The following PDE10A variants were observed in gnomAD, a reference collection of about 807,000 sequenced individuals.
The protein encoded by PDE10A is cAMP and cAMP-inhibited cGMP 3',5'-cyclic phosphodiesterase 10A.
Under a neutral mutation model 97.7 loss-of-function variants are expected in PDE10A, and 39 were observed. The ratio of observed to expected loss-of-function variants is 0.40; its 90% confidence interval spans 0.31 to 0.52. The LOEUF is 0.52. Ranked by LOEUF, PDE10A falls within the 20% of genes least tolerant of loss-of-function variation. The pLI is 0.56. For missense variants in PDE10A, 731 were observed against 1,047.8 expected (o/e 0.70, Z 4.17); for synonymous variants, 371 against 376.8 (o/e 0.98, Z 0.18).
intron 1 of PDE10A, chr6:165,660,711 C>G (rs1253543208): frequency 6.5e-6 from 1 of 152,692 alleles, no homozygotes; most frequent in Non-Finnish European, 1.5e-5. Context: ...AGCGGGAAAC[C>G]GAAACAGCAA....
At chr6:165,502,871 A>G (rs1019741024) in intron 2 of PDE10A, among the ~76,000 whole-genome samples, 1 of 152,178 alleles carries the variant, frequency 6.6e-6, no homozygotes, top group Non-Finnish European at 1.5e-5. Context: ...CATTACCTGC[A>G]GAGAGGTATA....
chr6:165,342,676 G>A (rs183324044), intron 19 of PDE10A, among the ~76,000 whole-genome samples: 2 of 152,190 alleles, frequency 1.3e-5, no homozygotes, highest in Admixed American at 6.5e-5. Context: ...ACCAGAAGAG[G>A]TACTCAAAAG....
intron 2 of PDE10A, among the ~76,000 whole-genome samples, chr6:165,489,558 G>T (rs1425007945): frequency 6.6e-6 from 1 of 152,058 alleles, no homozygotes; most frequent in Non-Finnish European, 1.5e-5. Context: ...CACCCCAAAA[G>T]ATCATACTAG....
chr6:165,937,238 G>T (rs1341567304), intron 1 of PDE10A, among the ~76,000 whole-genome samples: 4 of 152,186 alleles, frequency 2.6e-5, no homozygotes, highest in Non-Finnish European at 4.4e-5. Flanking sequence ...GAATATGGAA[G>T]GGTTCATGTG....
intron 21 of PDE10A, among the ~76,000 whole-genome samples, chr6:165,333,833 T>C (rs1359394124): frequency 6.6e-6 from 1 of 152,196 alleles, no homozygotes; most frequent in Non-Finnish European, 1.5e-5. Flanking sequence ...TCTACATGGC[T>C]ACCCTGGCAG....
chr6:165,895,508 G>A (rs748504259), intron 1 of PDE10A, among the ~76,000 whole-genome samples: 1 of 152,190 alleles, frequency 6.6e-6, no homozygotes, highest in Non-Finnish European at 1.5e-5. Context: ...AACTGAGAGG[G>A]AACATGTTTC....
chr6:165,958,794 C>T (rs1440272108), intron 1 of PDE10A, among the ~76,000 whole-genome samples: 1 of 151,276 alleles, frequency 6.6e-6, no homozygotes, highest in African/African-American at 2.4e-5. Flanking sequence ...TGCCTCCCGA[C>T]TCATGTCTGG....
At chr6:165,919,134 C>T (rs137920834) in intron 1 of PDE10A, among the ~76,000 whole-genome samples, 1 of 152,218 alleles carries the variant, frequency 6.6e-6, no homozygotes. Context: ...GCTTTGTCAA[C>T]AAGCCAAGCC....
At chr6:165,855,332 T>G (rs1780701710) in intron 1 of PDE10A, among the ~76,000 whole-genome samples, 2 of 144,186 alleles carry the variant, frequency 1.4e-5, no homozygotes, top group African/African-American at 2.6e-5. Context: ...TCAGGGGCGC[T>G]GCCTCCTGTG....
At chr6:165,449,251 A>G (rs1230675448) in intron 4 of PDE10A, among the ~76,000 whole-genome samples, 1 of 152,238 alleles carries the variant, frequency 6.6e-6, no homozygotes, top group Non-Finnish European at 1.5e-5. Context: ...TATTTGTTGA[A>G]CTTTATTCAG....
chr6:165,920,955 C>T (rs765054359), intron 1 of PDE10A, among the ~76,000 whole-genome samples: 13 of 152,178 alleles, frequency 8.5e-5, no homozygotes, highest in Non-Finnish European at 1.6e-4. Context: ...ATCTTAAGTG[C>T]TCACAAAAAT....
rs1583373223 is a variant in PDE10A at position 165,970,702 on chromosome 6, CTT to C, written c.-615+16825_-615+16826del. Among the ~76,000 whole-genome samples the C allele has an allele frequency of 2.0e-5, 3 of 152,192 alleles. No homozygotes were observed. The East Asian group carries it at 5.8e-4, about 29-fold the overall frequency. On this transcript the variant is annotated intron_variant, in intron 1 of 19. Transcript: ENST00000366882. Reference sequence around the variant, plus strand: ...ACCGAATTAAACAAAAGATTTATTTCTTGTTATATATCTTTTTGTCTTTTGAA... The same window carrying C: ...ACCGAATTAAACAAAAGATTTATTTCGTTATATATCTTTTTGTCTTTTGAA...
At chr6:165,458,036 A>G (rs1223692950) in intron 3 of PDE10A, among the ~76,000 whole-genome samples, 1 of 152,216 alleles carries the variant, frequency 6.6e-6, no homozygotes, top group Non-Finnish European at 1.5e-5. Flanking sequence ...GTTAAATTGG[A>G]TAAATATTTA....
intron 1 of PDE10A, among the ~76,000 whole-genome samples, chr6:165,769,261 T>C (rs1256886814): frequency 1.3e-5 from 2 of 152,174 alleles, no homozygotes; most frequent in Non-Finnish European, 2.9e-5. Context: ...GTCATCTAAT[T>C]TTAATTAAGT....
At chr6:165,896,318 C>G (rs910371843) in intron 1 of PDE10A, among the ~76,000 whole-genome samples, 2 of 152,036 alleles carry the variant, frequency 1.3e-5, no homozygotes, top group Admixed American at 1.3e-4. Flanking sequence ...AACTGAAACA[C>G]CTAGCACACT....
chr6:165,517,902 T>C lies in PDE10A; in HGVS notation c.994+25538A>G, dbSNP rs149975852. On this transcript the variant is annotated intron_variant, in intron 2 of 21. Transcript: ENST00000539869. ...GTTTTTAATATATACAGCTATCATT[T>C]TGTGAGTGATTCCATGTGTCCGGTG... 7.0e-4 allele frequency among the ~76,000 whole-genome samples: 107 copies of C among 152,346 alleles called. No homozygotes were observed. In the East Asian group the frequency reaches 0.019, roughly 27 times the overall value.
rs753750408 is a variant in PDE10A at position 165,815,299 on chromosome 6, GA to G, written c.-615+172229del. Among the ~76,000 whole-genome samples, 4 of 152,268 alleles carry G rather than the reference GA, an allele frequency of 2.6e-5. No individual in the cohort carries two copies. In the East Asian group the frequency reaches 5.8e-4, roughly 22 times the overall value. On this transcript the variant is annotated intron_variant, in intron 1 of 19. Transcript: ENST00000366882. The stretch of plus-strand genomic sequence containing the variant: ...CAGAGTTCACTGTGTTTTTCTTCTT[GA>G]GGGGCAGGCATTTTAACTGGGTTTT...
chr6:165,845,835 T>C (rs1306181640), intron 1 of PDE10A, among the ~76,000 whole-genome samples: 1 of 152,182 alleles, frequency 6.6e-6, no homozygotes, highest in Non-Finnish European at 1.5e-5. Flanking sequence ...CTTTGGTACG[T>C]TTAATAAGAT....
In PDE10A at chr6:165,776,838, A is replaced by G. The variant is rs147052691; in HGVS notation, c.-615+210691T>C. Among the ~76,000 whole-genome samples, 20 of 152,334 alleles carry G rather than the reference A, an allele frequency of 1.3e-4. No individual in the cohort carries two copies. The East Asian group carries it at 3.7e-3, about 28-fold the overall frequency. On this transcript the variant is annotated intron_variant, in intron 1 of 19. Coordinates refer to the PDE10A transcript ENST00000366882. ...TTCTGTTTTAGAGATGGTGCAACTG[A>G]GGCCAGGGAGGCTGAAACCGTTGCC...
Sources: allele counts gnomAD v4.1 joint callset (sites outside exome capture counted in the v4.1 genomes callset), GRCh38; gene constraint gnomAD v4.1.1; transcripts MANE v1.5; gene names NCBI Gene and HGNC (gene_info 2026-07-23, HGNC 2026-07-21).